The following HDAC9 variants were observed in gnomAD, a reference collection of about 807,000 sequenced individuals.
The protein encoded by HDAC9 is histone deacetylase 9, also known as MEF-2 interacting transcription repressor (MITR) protein.
HDAC9 carries 41 observed loss-of-function variants against 139.4 expected under a neutral mutation model. The ratio of observed to expected loss-of-function variants is 0.29; its 90% confidence interval spans 0.23 to 0.38. The LOEUF (loss-of-function observed/expected upper bound fraction) is 0.38, where lower values mean the gene tolerates loss of function less well. Ranked by LOEUF, HDAC9 falls within the 10% of genes least tolerant of loss-of-function variation. The probability of loss-of-function intolerance (pLI) is 1.00; values close to 1 mark genes in which losing one functional copy is unlikely to be tolerated. For synonymous variants in HDAC9, 517 were observed against 476.2 expected (o/e 1.09, Z -1.12); for missense variants, 1,147 against 1,297.0 (o/e 0.88, Z 1.78).
At chr7:18,475,925 G>T (rs150698598) in intron 1 of HDAC9, among the ~76,000 whole-genome samples, 1 of 152,284 alleles carries the variant, frequency 6.6e-6, no homozygotes, top group African/African-American at 2.4e-5. Flanking sequence ...GGCATAGTTA[G>T]GTATGTTCTG....
chr7:18,410,983 T>C lies in HDAC9; in HGVS notation c.-41-85279T>C, dbSNP rs1391743858. On this transcript the variant is annotated intron_variant, in intron 1 of 3. Transcript: ENST00000413509. ...TAATCGTCAAGGAAGTATTTGGGAA[T>C]CAAAGCCTAGTTTTGGAAATCATTT... is the stretch of plus-strand genomic sequence containing the variant. 3.9e-5 allele frequency among the ~76,000 whole-genome samples: 6 copies of C among 152,324 alleles called. No individual in the cohort carries two copies. In the East Asian group the frequency reaches 1.2e-3, roughly 29 times the overall value.
intron 2 of HDAC9, among the ~76,000 whole-genome samples, chr7:18,166,360 G>T (rs955039472): frequency 3.9e-5 from 6 of 152,162 alleles, no homozygotes; most frequent in Non-Finnish European, 7.4e-5. Flanking sequence ...ATTTATAGAA[G>T]TGAAAGGTTT....
At chr7:18,271,168 G>A (rs302178) in intron 2 of HDAC9, among the ~76,000 whole-genome samples, 59,887 of 151,968 alleles carry the variant, frequency 0.39, 13,122 homozygotes, top group Admixed American at 0.52. Context: ...CTTTCTTGTA[G>A]AACGTGTAAT....
intron 1 of HDAC9, among the ~76,000 whole-genome samples, chr7:18,299,215 T>G (rs1459421057): frequency 7.0e-6 from 1 of 143,598 alleles, no homozygotes; most frequent in Non-Finnish European, 1.5e-5. Flanking sequence ...TGTACAACTC[T>G]TAAGATTTTT....
chr7:18,255,870 GC>G (rs1423343676), intron 2 of HDAC9, among the ~76,000 whole-genome samples: 12 of 151,912 alleles, frequency 7.9e-5, no homozygotes, highest in African/African-American at 2.7e-4. Flanking sequence ...GTCGTGATCT[GC>G]CCGCCTCGGC....
intron 1 of HDAC9, among the ~76,000 whole-genome samples, chr7:18,398,435 T>C (rs1787248066): frequency 6.6e-6 from 1 of 152,210 alleles, no homozygotes; most frequent in Admixed American, 6.5e-5. Context: ...TTTCAGAAAG[T>C]AAAGCACTGC....
At chr7:18,586,999 A>G (rs112261007) in intron 3 of HDAC9, among the ~76,000 whole-genome samples, 31 of 152,226 alleles carry the variant, frequency 2.0e-4, no homozygotes, top group African/African-American at 6.7e-4. Flanking sequence ...AATGAGTAAA[A>G]TGTACATTTT....
At chr7:18,180,892 T>C (rs1280010059) in intron 2 of HDAC9, among the ~76,000 whole-genome samples, 2 of 152,164 alleles carry the variant, frequency 1.3e-5, no homozygotes, top group Non-Finnish European at 2.9e-5. Context: ...CTGTTTCTTA[T>C]CTCTTCTAGC....
chr7:18,771,264 A>G (rs1790266533), intron 16 of HDAC9, among the ~76,000 whole-genome samples: 1 of 151,994 alleles, frequency 6.6e-6, no homozygotes, highest in South Asian at 2.1e-4. Context: ...TACTCTGTTC[A>G]TATTCTGTTT....
intron 22 of HDAC9, among the ~76,000 whole-genome samples, chr7:18,881,015 A>T (rs1799700401): frequency 6.6e-6 from 1 of 152,044 alleles, no homozygotes; most frequent in African/African-American, 2.4e-5. Flanking sequence ...ATGAATTTAG[A>T]CTTAACAGTG....
intron 12 of HDAC9, among the ~76,000 whole-genome samples, chr7:18,720,769 C>T (rs1785087044): frequency 6.6e-6 from 1 of 151,650 alleles, no homozygotes; most frequent in Non-Finnish European, 1.5e-5. Flanking sequence ...GCAGTCTCAG[C>T]CTGCTGCATT....
chr7:18,167,469 A>G (rs1788087010), intron 2 of HDAC9, among the ~76,000 whole-genome samples: 1 of 152,140 alleles, frequency 6.6e-6, no homozygotes, highest in Non-Finnish European at 1.5e-5. Flanking sequence ...TATAATTTTC[A>G]TTATTGTAAC....
chr7:18,818,698 G>A (rs1794747464), intron 17 of HDAC9, among the ~76,000 whole-genome samples: 1 of 152,138 alleles, frequency 6.6e-6, no homozygotes, highest in South Asian at 2.1e-4. Flanking sequence ...TTTATTGGCT[G>A]ATTCTGGTAC....
intron 2 of HDAC9, chr7:18,496,591 G>C: frequency 2.2e-6 from 1 of 448,970 alleles, no homozygotes; most frequent in Non-Finnish European, 4.0e-6. Context: ...GTAAAATGTA[G>C]TTGGGGGTGT....
chr7:18,960,439 A>G (rs2129328281), intron 24 of HDAC9, among the ~76,000 whole-genome samples: 1 of 152,140 alleles, frequency 6.6e-6, no homozygotes, highest in African/African-American at 2.4e-5. Context: ...TATTATTACT[A>G]ATATTATTAT....
At chr7:18,882,106 T>TA (rs1799782987) in intron 22 of HDAC9, among the ~76,000 whole-genome samples, 1 of 152,062 alleles carries the variant, frequency 6.6e-6, no homozygotes, top group African/African-American at 2.4e-5. Flanking sequence ...TAAAAACGAG[T>TA]AAGGCTAAAA....
intron 2 of HDAC9, among the ~76,000 whole-genome samples, chr7:18,499,874 A>G (rs1187831832): frequency 6.6e-6 from 1 of 152,132 alleles, no homozygotes; most frequent in Non-Finnish European, 1.5e-5. Flanking sequence ...GTTGAGGGGA[A>G]GGGAACATTT....
At chr7:18,247,536 A>G (rs1794637539) in intron 2 of HDAC9, among the ~76,000 whole-genome samples, 1 of 152,110 alleles carries the variant, frequency 6.6e-6, no homozygotes, top group African/African-American at 2.4e-5. Flanking sequence ...GGAAAATGAA[A>G]AGAGGAGAAT....
intron 1 of HDAC9, among the ~76,000 whole-genome samples, chr7:18,098,280 A>G (rs980180831): frequency 3.0e-4 from 45 of 152,234 alleles, no homozygotes; most frequent in African/African-American, 9.9e-4. Flanking sequence ...GTTATTGTAC[A>G]TATATTGAAC....
Sources: allele counts gnomAD v4.1 joint callset (sites outside exome capture counted in the v4.1 genomes callset), GRCh38; gene constraint gnomAD v4.1.1; transcripts MANE v1.5; gene names NCBI Gene and HGNC (gene_info 2026-07-23, HGNC 2026-07-21).